The following RPH3A variants were observed in gnomAD, a reference collection of about 807,000 sequenced individuals.
RPH3A encodes rabphilin-3A.
In RPH3A, 48 loss-of-function variants were observed where a neutral mutation model predicts 102.2. The ratio of observed to expected loss-of-function variants is 0.47; its 90% CI spans 0.37 to 0.60. The LOEUF (loss-of-function observed/expected upper bound fraction) is 0.60. Ranked by LOEUF, RPH3A falls within the 20% of genes least tolerant of loss-of-function variation. The pLI is 0.00. For synonymous variants in RPH3A, 310 were observed against 324.3 expected (o/e 0.96, Z 0.47); for missense variants, 781 against 910.1 (o/e 0.86, Z 1.83).
intron 1 of RPH3A, among the ~76,000 whole-genome samples, chr12:112,746,763 C>T (rs942584343): frequency 1.3e-5 from 2 of 152,242 alleles, no homozygotes; most frequent in South Asian, 4.2e-4. Flanking sequence ...GGTCTGTCTC[C>T]GGCAGTTTCT....
intron 1 of RPH3A, among the ~76,000 whole-genome samples, chr12:112,660,684 C>T (rs1406045002): frequency 6.6e-6 from 1 of 152,046 alleles, no homozygotes; most frequent in Non-Finnish European, 1.5e-5. Flanking sequence ...GACCCTGTCT[C>T]CAAAACAAAC....
chr12:112,759,469 T>C (rs2040840486), intron 1 of RPH3A, among the ~76,000 whole-genome samples: 1 of 152,190 alleles, frequency 6.6e-6, no homozygotes, highest in Non-Finnish European at 1.5e-5. Flanking sequence ...GTCTTCTGCC[T>C]CCTGTTGTGC....
chr12:112,767,760 G>A (rs1036319510), intron 1 of RPH3A, among the ~76,000 whole-genome samples: 2 of 152,114 alleles, frequency 1.3e-5, no homozygotes, highest in Non-Finnish European at 2.9e-5. Context: ...AATTTAAGAA[G>A]ATGGGGCATA....
chr12:112,641,726 T>A (rs372940746), intron 1 of RPH3A, among the ~76,000 whole-genome samples: 92 of 152,254 alleles, frequency 6.0e-4, no homozygotes, highest in African/African-American at 2.1e-3. Flanking sequence ...CTCAGAGAAG[T>A]GCTAGAAATT....
intron 13 of RPH3A, 84 bp from the exon 14 acceptor site, chr12:112,879,035 C>G: frequency 1.6e-6 from 2 of 1,215,990 alleles, no homozygotes; most frequent in Non-Finnish European, 2.4e-6. Context: ...CACAGCCCAG[C>G]CTGGGCATAT....
At chr12:112,790,160 G>A (rs2136083218), upstream of RPH3A, among the ~76,000 whole-genome samples, 1 of 152,046 alleles carries the variant, frequency 6.6e-6, no homozygotes, top group Non-Finnish European at 1.5e-5. Flanking sequence ...AGGTTCATGT[G>A]ATTCTCCTGC....
intron 1 of RPH3A, among the ~76,000 whole-genome samples, chr12:112,606,370 T>C (rs1340835753): frequency 6.6e-6 from 1 of 151,948 alleles, no homozygotes; most frequent in Non-Finnish European, 1.5e-5. Flanking sequence ...ATAAAGAAAA[T>C]AGGGTTTTTG....
chr12:112,789,447 T>C (rs1317312976), upstream of RPH3A, among the ~76,000 whole-genome samples: 1 of 152,216 alleles, frequency 6.6e-6, no homozygotes, highest in African/African-American at 2.4e-5. Context: ...AGAGACATCC[T>C]GGAGCATGTT....
chr12:112,691,325 A>G (rs1028896919), intron 1 of RPH3A, among the ~76,000 whole-genome samples: 1 of 151,950 alleles, frequency 6.6e-6, no homozygotes, highest in Non-Finnish European at 1.5e-5. Flanking sequence ...ACCATCTTTC[A>G]GTGTAAAAAA....
chr12:112,646,949 A>G (rs2039936078), intron 1 of RPH3A, among the ~76,000 whole-genome samples: 2 of 152,314 alleles, frequency 1.3e-5, no homozygotes, highest in African/African-American at 4.8e-5. Flanking sequence ...GAGGGTATGC[A>G]TCCCATAGTT....
intron 1 of RPH3A, among the ~76,000 whole-genome samples, chr12:112,672,743 C>T (rs1437488477): frequency 2.0e-5 from 3 of 152,198 alleles, no homozygotes; most frequent in African/African-American, 4.8e-5. Context: ...AGACAGATTA[C>T]ATCTCGGGCG....
chr12:112,792,472 G>C (rs2041140308), intron 2 of RPH3A, among the ~76,000 whole-genome samples: 1 of 152,232 alleles, frequency 6.6e-6, no homozygotes, highest in Admixed American at 6.5e-5. Flanking sequence ...TGCCCAGGGA[G>C]GGGGTAAAAT....
At chr12:112,824,417 G>A (rs1296335685) in intron 2 of RPH3A, among the ~76,000 whole-genome samples, 1 of 152,116 alleles carries the variant, frequency 6.6e-6, no homozygotes, top group Non-Finnish European at 1.5e-5. Context: ...TAGAGGCTGG[G>A]ATTGGGAGGA....
At chr12:112,580,668 A>G (rs2039394295) in intron 1 of RPH3A, among the ~76,000 whole-genome samples, 1 of 151,902 alleles carries the variant, frequency 6.6e-6, no homozygotes, top group African/African-American at 2.4e-5. Context: ...GGCCTCCCAA[A>G]GTGCTGGGAT....
At position 112,898,864 on chromosome 12, in the gene RPH3A, T is replaced by A. The variant is rs2043232292; in HGVS notation, c.*2084T>A. 2 of 152,416 alleles carry A rather than the reference T, an allele frequency of 1.3e-5. No individual in the cohort carries two copies. The highest frequency in any genetic ancestry group is 4.8e-5 in the African/African-American group (2 of 41,584). The allele number at this position is 152,416 out of a possible 1,614,324, so 9.4% of individuals were successfully genotyped here. A position where few individuals can be genotyped will look rare whatever the true frequency, so the allele number is the denominator to read the frequency against. On this transcript the variant is annotated 3_prime_UTR_variant, in exon 22 of 22. Transcript: ENST00000389385. ...TGTGATGATGTAGCCAAAAATAAAGTAGGAGCATCCAAGAAAACGAGTGGT... is the reference window on the plus strand; with the variant it reads ...TGTGATGATGTAGCCAAAAATAAAGAAGGAGCATCCAAGAAAACGAGTGGT...
intron 1 of RPH3A, among the ~76,000 whole-genome samples, chr12:112,669,962 T>C (rs968323635): frequency 1.3e-5 from 2 of 152,238 alleles, no homozygotes; most frequent in African/African-American, 2.4e-5. Context: ...TGTGGATTTT[T>C]CCCAATGTTT....
At chr12:112,752,229 C>G (rs2040789939) in intron 1 of RPH3A, among the ~76,000 whole-genome samples, 1 of 152,100 alleles carries the variant, frequency 6.6e-6, no homozygotes, top group Non-Finnish European at 1.5e-5. Context: ...CCTCAGTTTT[C>G]TAAATGTAAG....
intron 5 of RPH3A, among the ~76,000 whole-genome samples, chr12:112,854,225 T>A (rs992134682): frequency 6.6e-6 from 1 of 152,256 alleles, no homozygotes; most frequent in Admixed American, 6.5e-5. Context: ...CTCCAGACAC[T>A]GCTCAGTGTC....
chr12:112,875,901 G>A (rs1351522900), intron 12 of RPH3A, among the ~76,000 whole-genome samples, 160 bp downstream of exon 12: 4 of 152,190 alleles, frequency 2.6e-5, no homozygotes, highest in Admixed American at 2.0e-4. Context: ...TAGATAGTCC[G>A]TACTAAGATT....
Sources: gnomAD v4.1 joint callset for allele counts (sites outside exome capture counted in the v4.1 genomes callset) on GRCh38, gnomAD v4.1.1 for gene constraint, MANE v1.5 for transcripts, NCBI Gene and HGNC (gene_info 2026-07-23, HGNC 2026-07-21) for gene names.